The following REG4 variants were observed in gnomAD, a reference collection of about 807,000 sequenced individuals.
REG4 encodes regenerating family member 4, also known as regenerating islet-derived protein 4.
A neutral mutation model predicts 22.3 loss-of-function variants in REG4; 16 were observed. That is an observed-to-expected ratio of 0.72 (90% confidence interval 0.49 to 1.09). The LOEUF (loss-of-function observed/expected upper bound fraction) is 1.09, where lower values mean the gene tolerates loss of function less well. Ranked by LOEUF, REG4 falls within the 50% of genes least tolerant of loss-of-function variation. REG4 has a pLI of 0.00. For synonymous variants in REG4, 71 were observed against 69.2 expected (o/e 1.03, Z -0.13); for missense variants, 214 against 193.9 (o/e 1.10, Z -0.61).
At chr1:119,806,796 C>T (rs1464387602) in intron 2 of REG4, among the ~76,000 whole-genome samples, 3 of 152,182 alleles carry the variant, frequency 2.0e-5, no homozygotes, top group Middle Eastern at 3.2e-3. Flanking sequence ...CTCCAATACT[C>T]GTTCTACTCC....
chr1:119,794,685 T>G lies in REG4; in HGVS notation c.410A>C (p.Asn137Thr). The change falls in exon 6 of 6, where the codon AAC becomes ACC. Residue 137 changes from asparagine (N) to threonine (T), a missense_variant and splice_region_variant. Asn to Thr is a moderately conservative substitution (Grantham distance 65). Coordinates refer to ENST00000256585, the MANE Select transcript of REG4 (RefSeq NM_032044.4). The part of the protein sequence containing the change: ...KHCAEMSSNN[N>T]FLTWSSNECN... Reference sequence around the variant, plus strand: ...TTCGTTGCTGCTCCAAGTTAAAAAGTCTGTAAGAAAATAAACAGATATTTA... The same window carrying G: ...TTCGTTGCTGCTCCAAGTTAAAAAGGCTGTAAGAAAATAAACAGATATTTA... 1 of 1,613,870 alleles carries G rather than the reference T, an allele frequency of 6.2e-7. No homozygotes were observed. The highest frequency in any genetic ancestry group is 8.5e-7 in the Non-Finnish European group (1 of 1,179,736).
At chr1:119,810,538 C>G (rs1654462956) in intron 1 of REG4, among the ~76,000 whole-genome samples, 1 of 152,156 alleles carries the variant, frequency 6.6e-6, no homozygotes, top group African/African-American at 2.4e-5. Context: ...CCACCCCTTA[C>G]TTCTTTTTAA....
At chr1:119,795,206 A>C (rs1571060736) in intron 5 of REG4, among the ~76,000 whole-genome samples, 1 of 152,266 alleles carries the variant, frequency 6.6e-6, no homozygotes, top group East Asian at 1.9e-4. Context: ...TGAAAGAAAA[A>C]CACTTGAAAT....
intron 2 of REG4, among the ~76,000 whole-genome samples, chr1:119,804,369 TG>T (rs746702758): frequency 7.9e-5 from 12 of 152,150 alleles, no homozygotes; most frequent in Non-Finnish European, 1.2e-4. Context: ...TTTTATAACC[TG>T]GTTGTATGCC....
intron 1 of REG4, among the ~76,000 whole-genome samples, chr1:119,810,522 C>T (rs778331889): frequency 6.6e-6 from 1 of 152,112 alleles, no homozygotes; most frequent in Non-Finnish European, 1.5e-5. Flanking sequence ...GTGGATGTGA[C>T]CTTCCCCACC....
chr1:119,798,461 T>C lies in REG4; in HGVS notation c.409+36A>G, dbSNP rs1392846344. ...CTAGGTAAAGGGAAGAGTCTGCGCATTGGGAAGTGGTGAGGGGTGGTGCAT... is the reference window on the plus strand; with the variant it reads ...CTAGGTAAAGGGAAGAGTCTGCGCACTGGGAAGTGGTGAGGGGTGGTGCAT... On this transcript the variant is annotated intron_variant, in intron 5 of 5. Transcript: ENST00000256585. The C allele has an allele frequency of 5.9e-6, 9 of 1,525,902 alleles. No homozygotes were observed. The African/African-American group carries it at 6.8e-5, about 12-fold the overall frequency. 94.5% of individuals were successfully genotyped at this position (1,525,902 alleles called of 1,614,324 possible). A position where few individuals can be genotyped will look rare whatever the true frequency, so the allele number is the denominator to read the frequency against.
Position 119,798,617 on chromosome 1 carries a change from G to A in REG4, c.304-15C>T. The A allele has an allele frequency of 6.2e-7, 1 of 1,609,514 alleles. No individual in the cohort carries two copies. The highest frequency in any genetic ancestry group is 8.5e-7 in the Non-Finnish European group (1 of 1,175,852). On this transcript the variant is annotated splice_polypyrimidine_tract_variant and intron_variant, in intron 4 of 5. Transcript: ENST00000256585. ...CACTGCTGCCTCTGCAACAACAGGA[G>A]ATGGAGAAGTGTACAGCTCAGCAAC...
intron 5 of REG4, among the ~76,000 whole-genome samples, chr1:119,796,438 G>A (rs1244066202): frequency 6.6e-6 from 1 of 152,024 alleles, no homozygotes; most frequent in Non-Finnish European, 1.5e-5. Flanking sequence ...GTGAGAGAGG[G>A]ACACACAAAA....
chr1:119,796,130 C>T (rs902210369), intron 5 of REG4, among the ~76,000 whole-genome samples: 1 of 152,082 alleles, frequency 6.6e-6, no homozygotes, highest in South Asian at 2.1e-4. Flanking sequence ...ATGATTAGGG[C>T]GATTATTTCC....
At position 119,801,681 on chromosome 1, in the gene REG4, C is replaced by G. The variant is rs750904075; in HGVS notation, c.165+1387G>C. 9.8e-5 allele frequency: 15 copies of G among 152,426 alleles called. No homozygotes were observed. In the East Asian group the frequency reaches 2.9e-3, roughly 29 times the overall value. 9.4% of individuals were successfully genotyped at this position (152,426 alleles called of 1,614,324 possible). A position where few individuals can be genotyped will look rare whatever the true frequency, so the allele number is the denominator to read the frequency against. ...CCAGGGGTCTCAAGAGCCAGCCATG[C>G]AAGAAGAGCCAAGGGCGGTAGCAAC... is the stretch of plus-strand genomic sequence containing the variant. On this transcript the variant is annotated intron_variant, in intron 3 of 5. Coordinates refer to ENST00000256585, the MANE Select transcript of REG4 (RefSeq NM_032044.4).
chr1:119,795,399 C>T lies in REG4; in HGVS notation c.410-714G>A, dbSNP rs1346847395. Among the ~76,000 whole-genome samples the T allele has an allele frequency of 3.3e-5, 5 of 152,214 alleles. No homozygotes were observed. In the East Asian group the frequency reaches 7.7e-4, roughly 23 times the overall value. On this transcript the variant is annotated intron_variant, in intron 5 of 5. Coordinates refer to ENST00000256585, the MANE Select transcript of REG4 (RefSeq NM_032044.4). ...AAGCTCCTGTTCAAAGTTCAAAGAA[C>T]TGAAAGCTGCTAAAGCCATTCACAT... is the stretch of plus-strand genomic sequence containing the variant.
intron 4 of REG4, 145 bp downstream of exon 4, chr1:119,799,580 G>T: frequency 2.0e-6 from 2 of 1,019,818 alleles, no homozygotes; most frequent in South Asian, 1.7e-5. Context: ...CCCTGACCTT[G>T]AGACTTTGGT....
rs771774182 is a variant in REG4 at position 119,799,847 on chromosome 1, A to G, written c.181T>C (p.Tyr61His). 8.7e-6 allele frequency: 14 copies of G among 1,613,908 alleles called. No individual in the cohort carries two copies. Among genetic ancestry groups the G allele is most frequent in the African/African-American group, 2.7e-5 (2 of 74,924 alleles). The change falls in exon 4 of 6, where the codon TAC becomes CAC. Residue 61 changes from tyrosine to histidine, a missense_variant. Transcript: ENST00000256585. ...GATGCCAGGTGGGCTCCGTTTCCGT[A>G]AGACTGACACTCGAGCTATGTACAA... ...WSDAELECQS[Y>H]GNGAHLASIL... is the part of the protein sequence containing the mutation.
chr1:119,796,503 CAAAG>C (rs1469696041), intron 5 of REG4, among the ~76,000 whole-genome samples: 1 of 151,934 alleles, frequency 6.6e-6, no homozygotes. Flanking sequence ...AGCCCTGTCA[CAAAG>C]AGAGAACAAG....
At chr1:119,802,726 C>T in intron 3 of REG4, 2 of 1,447,354 alleles carry the variant, frequency 1.4e-6, no homozygotes, top group South Asian at 1.5e-5. Context: ...ACAGAAACTC[C>T]ATTATCCTTT....
At chr1:119,796,618 G>A (rs1571062001) in intron 5 of REG4, among the ~76,000 whole-genome samples, 1 of 152,178 alleles carries the variant, frequency 6.6e-6, no homozygotes, top group Non-Finnish European at 1.5e-5. Context: ...ATGTGGCTGA[G>A]GGGGATGGGC....
chr1:119,804,879 C>A (rs945826149), intron 2 of REG4, among the ~76,000 whole-genome samples: 1 of 152,132 alleles, frequency 6.6e-6, no homozygotes, highest in Admixed American at 6.5e-5. Context: ...CTCCCCTCCC[C>A]TTTCTGCCCC....
intron 1 of REG4, among the ~76,000 whole-genome samples, chr1:119,811,030 G>C (rs1654479714): frequency 2.0e-5 from 3 of 151,976 alleles, no homozygotes; most frequent in Non-Finnish European, 4.4e-5. Context: ...CTCCAGCCTG[G>C]GAGACAGAGC....
chr1:119,799,828 A>G lies in REG4; in HGVS notation c.200T>C (p.Leu67Pro). 6.2e-7 allele frequency: 1 copy of G among 1,614,178 alleles called. No homozygotes were observed. Residue 67 changes from leucine (L) to proline (P), a missense_variant, in exon 4 of 6, where the codon CTG (leucine) becomes CCG (proline). Coordinates refer to ENST00000256585, the MANE Select transcript of REG4 (RefSeq NM_032044.4). ...TTCCTTTAAACTCAGGATAGATGCC[A>G]GGTGGGCTCCGTTTCCGTAAGACTG... ...ECQSYGNGAH[L>P]ASILSLKEAS...
Sources: gnomAD v4.1 joint callset for allele counts (sites outside exome capture counted in the v4.1 genomes callset) on GRCh38, gnomAD v4.1.1 for gene constraint, MANE v1.5 for transcripts, NCBI Gene and HGNC (gene_info 2026-07-23, HGNC 2026-07-21) for gene names.